LHFPL6: variants seen among roughly 807,000 people sequenced by gnomAD.
The protein encoded by LHFPL6 is LHFPL tetraspan subfamily member 6 protein.
In LHFPL6, 9 loss-of-function variants were observed where a neutral mutation model predicts 20.6. That is an observed-to-expected ratio of 0.44 (90% CI 0.26 to 0.76). The LOEUF (loss-of-function observed/expected upper bound fraction) is 0.76. Ranked by LOEUF, LHFPL6 falls within the 30% of genes least tolerant of loss-of-function variation. The probability of loss-of-function intolerance (pLI) is 0.20; values close to 1 mark genes in which losing one functional copy is unlikely to be tolerated. For synonymous variants in LHFPL6, 105 were observed against 98.7 expected, an observed-to-expected ratio of 1.06 and a Z score of -0.38; for missense variants, 218 against 253.5, an observed-to-expected ratio of 0.86 and a Z score of 0.95.
intron 2 of LHFPL6, among the ~76,000 whole-genome samples, chr13:39,486,410 T>A (rs942826844): frequency 6.6e-6 from 1 of 152,146 alleles, no homozygotes; most frequent in Non-Finnish European, 1.5e-5. Flanking sequence ...ACACGGTATT[T>A]AAAAAAATGT....
chr13:39,528,462 T>C (rs1870361174), intron 2 of LHFPL6, among the ~76,000 whole-genome samples: 1 of 152,158 alleles, frequency 6.6e-6, no homozygotes, highest in Non-Finnish European at 1.5e-5. Flanking sequence ...AATGACAAGC[T>C]CAGCAGCATC....
intron 2 of LHFPL6, among the ~76,000 whole-genome samples, chr13:39,534,849 A>G (rs1870567619): frequency 6.6e-6 from 1 of 152,118 alleles, no homozygotes; most frequent in Non-Finnish European, 1.5e-5. Context: ...TGCAACCATC[A>G]CCCTCTCACT....
At chr13:39,378,619 C>CATAG in intron 2 of LHFPL6, 93 bp from the exon 3 acceptor site, 1 of 906,814 alleles carries the variant, frequency 1.1e-6, no homozygotes, top group Non-Finnish European at 1.7e-6. Flanking sequence ...ATAACAAGAC[C>CATAG]ATAGCGTCTG....
At chr13:39,506,990 T>C (rs908606999) in intron 2 of LHFPL6, among the ~76,000 whole-genome samples, 4 of 152,194 alleles carry the variant, frequency 2.6e-5, no homozygotes, top group African/African-American at 9.7e-5. Context: ...TTTTGAACAG[T>C]GCATGCATGT....
rs190853115 is a variant in LHFPL6, at chr13:39,441,600, C to T, written c.386-63074G>A. ...TGATTATGGCCCCCTGCAGCCTTGA[C>T]CTCCTGGGCTCAAGTGATCCTCCCA... is the stretch of plus-strand genomic sequence containing the variant. On this transcript the variant is annotated intron_variant, in intron 2 of 3. Transcript: ENST00000379589. 2.8e-3 allele frequency among the ~76,000 whole-genome samples: 421 copies of T among 151,846 alleles called. 1 individual carries two copies. The highest frequency in any genetic ancestry group is 9.2e-3 in the African/African-American group (382 of 41,414).
intron 3 of LHFPL6, among the ~76,000 whole-genome samples, chr13:39,375,983 G>C (rs17209311): frequency 0.14 from 21,228 of 151,970 alleles, 1,644 homozygotes; most frequent in South Asian, 0.25. Flanking sequence ...AATGGTTTTA[G>C]AGTGTATAAT....
intron 2 of LHFPL6, among the ~76,000 whole-genome samples, chr13:39,513,888 G>T (rs1014232061): frequency 3.9e-5 from 6 of 152,088 alleles, no homozygotes; most frequent in African/African-American, 1.2e-4. Flanking sequence ...TATTTTATGA[G>T]ATAAATAATA....
At chr13:39,427,510 T>C (rs1320127389) in intron 2 of LHFPL6, among the ~76,000 whole-genome samples, 1 of 152,236 alleles carries the variant, frequency 6.6e-6, no homozygotes, top group African/African-American at 2.4e-5. Flanking sequence ...TAAAATGTTC[T>C]TATTGCATCT....
intron 2 of LHFPL6, among the ~76,000 whole-genome samples, chr13:39,484,747 CTTT>C (rs1868663826): frequency 6.6e-6 from 1 of 152,096 alleles, no homozygotes; most frequent in East Asian, 1.9e-4. Context: ...TGAGAAATAT[CTTT>C]TGTTATATGC....
chr13:39,591,561 G>A (rs9548836), intron 2 of LHFPL6, among the ~76,000 whole-genome samples: 56,428 of 151,960 alleles, frequency 0.37, 11,484 homozygotes, highest in Non-Finnish European at 0.46. Context: ...AAGCTTAACA[G>A]TGGTGTAAGT....
chr13:39,517,072 T>C (rs1869947867), intron 2 of LHFPL6, among the ~76,000 whole-genome samples: 2 of 152,118 alleles, frequency 1.3e-5, no homozygotes, highest in African/African-American at 4.8e-5. Flanking sequence ...TTTCTAGAAG[T>C]TGCTTTAAAG....
At chr13:39,500,186 GTTGT>G (rs568669122) in intron 2 of LHFPL6, among the ~76,000 whole-genome samples, 8 of 151,822 alleles carry the variant, frequency 5.3e-5, no homozygotes, top group South Asian at 2.1e-4. Flanking sequence ...TTTTATTGGG[GTTGT>G]TTGTTTATTT....
chr13:39,428,066 T>C (rs73458872), intron 2 of LHFPL6, among the ~76,000 whole-genome samples: 4,289 of 152,318 alleles, frequency 0.028, 174 homozygotes, highest in African/African-American at 0.09. Context: ...CCAGCCTCTT[T>C]GGAACTGTTT....
chr13:39,499,397 G>A (rs138289780), intron 2 of LHFPL6, among the ~76,000 whole-genome samples: 213 of 152,264 alleles, frequency 1.4e-3, no homozygotes, highest in African/African-American at 4.8e-3. Flanking sequence ...CCTCCTTGCT[G>A]GTCTTCCTTC....
intron 2 of LHFPL6, among the ~76,000 whole-genome samples, chr13:39,523,380 T>A (rs1433213809): frequency 6.6e-6 from 1 of 151,996 alleles, no homozygotes; most frequent in Non-Finnish European, 1.5e-5. Flanking sequence ...CCATCCTGGC[T>A]AACACGGTGA....
intron 2 of LHFPL6, among the ~76,000 whole-genome samples, chr13:39,561,962 A>G (rs1871497134): frequency 6.6e-6 from 1 of 152,210 alleles, no homozygotes; most frequent in African/African-American, 2.4e-5. Context: ...AAACTCATAC[A>G]TAGTCAATAA....
chr13:39,443,057 T>C lies in LHFPL6; in HGVS notation c.386-64531A>G, dbSNP rs191773155. Among the ~76,000 whole-genome samples the C allele has an allele frequency of 3.9e-5, 6 of 152,308 alleles. No individual in the cohort carries two copies. In the East Asian group the frequency reaches 1.2e-3, roughly 29 times the overall value. ...TGTTGCAAACTGAATCCCCAAGGCA[T>C]GGTGTCTAGAAGTGGGACCTTTAAA... On this transcript the variant is annotated intron_variant, in intron 2 of 3. Coordinates refer to ENST00000379589, the MANE Select transcript of LHFPL6 (RefSeq NM_005780.3).
chr13:39,411,287 C>T (rs1304812874), intron 2 of LHFPL6, among the ~76,000 whole-genome samples: 2 of 152,064 alleles, frequency 1.3e-5, no homozygotes, highest in Non-Finnish European at 2.9e-5. Flanking sequence ...ATTGGCAAAA[C>T]GGGTATAAGA....
intron 3 of LHFPL6, among the ~76,000 whole-genome samples, chr13:39,376,071 A>T (rs904230485): frequency 1.3e-5 from 2 of 152,196 alleles, no homozygotes; most frequent in Non-Finnish European, 2.9e-5. Context: ...GTTTTATTCC[A>T]CAATGCTGGG....
Sources: gnomAD v4.1 joint callset for allele counts (sites outside exome capture counted in the v4.1 genomes callset) on GRCh38, gnomAD v4.1.1 for gene constraint, MANE v1.5 for transcripts, NCBI Gene and HGNC (gene_info 2026-07-23, HGNC 2026-07-21) for gene names.